MBP: variants seen among roughly 807,000 people sequenced by gnomAD.
MBP encodes myelin basic protein.
Under a neutral mutation model 35.8 loss-of-function variants are expected in MBP, and 16 were observed. The ratio of observed to expected loss-of-function variants is 0.45; its 90% CI spans 0.30 to 0.68. The LOEUF (loss-of-function observed/expected upper bound fraction) is 0.68. MBP is among the 30% of genes least tolerant of loss of function. The pLI is 0.08. For missense variants in MBP, 380 were observed against 404.7 expected (o/e 0.94, Z 0.52); for synonymous variants, 143 against 159.6 (o/e 0.90, Z 0.78).
At chr18:76,993,550 C>CA (rs60296914) in intron 4 of MBP, among the ~76,000 whole-genome samples, 31,300 of 112,284 alleles carry the variant, frequency 0.28, 4,304 homozygotes, top group East Asian at 0.41. Context: ...ACTTTGTCTC[C>CA]AAAAAAAAAA....
chr18:77,074,001 C>T (rs1157001521), intron 2 of MBP, among the ~76,000 whole-genome samples: 1 of 152,244 alleles, frequency 6.6e-6, no homozygotes, highest in African/African-American at 2.4e-5. Context: ...CTTCTCACCA[C>T]TAAGGCCAGG....
intron 1 of MBP, 36 bp from the exon 2 acceptor site, chr18:77,105,322 A>C (rs900410799): frequency 7.5e-7 from 1 of 1,331,830 alleles, no homozygotes; most frequent in African/African-American, 1.4e-5. Flanking sequence ...CCCTAAGTCT[A>C]GTGCTCTTAG....
intron 2 of MBP, among the ~76,000 whole-genome samples, chr18:77,091,033 T>C (rs1975499582): frequency 6.6e-6 from 1 of 152,206 alleles, no homozygotes; most frequent in Non-Finnish European, 1.5e-5. Flanking sequence ...CACAGGACAT[T>C]CCTCAAACTC....
At chr18:77,120,942 G>A (rs1976869151) in intron 1 of MBP, among the ~76,000 whole-genome samples, 1 of 152,210 alleles carries the variant, frequency 6.6e-6, no homozygotes, top group Admixed American at 6.5e-5. Context: ...ATGTTCTTGA[G>A]CAAATGCAGT....
chr18:77,065,533 G>C (rs1363692743), intron 3 of MBP, among the ~76,000 whole-genome samples: 1 of 152,148 alleles, frequency 6.6e-6, no homozygotes, highest in Non-Finnish European at 1.5e-5. Context: ...ATTCAATAAG[G>C]CAATACAAAA....
intron 3 of MBP, among the ~76,000 whole-genome samples, chr18:77,038,931 G>A (rs533544867): frequency 6.6e-6 from 1 of 152,202 alleles, no homozygotes; most frequent in Non-Finnish European, 1.5e-5. Context: ...TCAGTGAGAG[G>A]CGTCTTCAAA....
intron 3 of MBP, among the ~76,000 whole-genome samples, chr18:77,051,791 G>A (rs1360538831): frequency 6.6e-6 from 1 of 152,200 alleles, no homozygotes; most frequent in African/African-American, 2.4e-5. Flanking sequence ...TGAAGACCAG[G>A]GGTAGGAGCG....
At chr18:76,987,107 G>A in intron 7 of MBP, 1 of 985,490 alleles carries the variant, frequency 1.0e-6, no homozygotes, top group Non-Finnish European at 1.2e-6. Context: ...GGTCTTTCTT[G>A]TTAGCTGCTG....
At chr18:77,034,051 CAAAAAAAAAAAA>C (rs398033591) in intron 3 of MBP, among the ~76,000 whole-genome samples, 5 of 70,504 alleles carry the variant, frequency 7.1e-5, no homozygotes, top group Non-Finnish European at 1.3e-4. Context: ...CCTAATGGGG[CAAAAAAAAAAAA>C]AAAAAAAAAA....
chr18:77,105,222 T>C lies in MBP; in HGVS notation c.40A>G (p.Lys14Glu), dbSNP rs973802590. The C allele has an allele frequency of 1.9e-6, 3 of 1,612,752 alleles. No individual in the cohort carries two copies. Among genetic ancestry groups the C allele is most frequent in the Non-Finnish European group, 2.5e-6 (3 of 1,179,172 alleles). ...AGCTCACGTCTTACCGTACTGGCCT[T>C]CTCGGCATTTAATTCTCGTTTGCCT... ...HAGKRELNAE[K>E]ASTNSETNRG... Residue 14 changes from lysine (K) to glutamate (E), a missense_variant, in exon 2 of 9, where the codon AAG becomes GAG. Coordinates refer to ENST00000355994, the MANE Select transcript of MBP (RefSeq NM_001025101.2).
At chr18:77,013,549 T>C in intron 4 of MBP, 1 of 985,442 alleles carries the variant, frequency 1.0e-6, no homozygotes, top group Non-Finnish European at 1.2e-6. Context: ...CAGGACTGAT[T>C]ATATCCCACG....
chr18:77,069,765 C>T (rs1252384716), intron 2 of MBP, among the ~76,000 whole-genome samples: 12 of 152,298 alleles, frequency 7.9e-5, no homozygotes, highest in Admixed American at 7.2e-4. Flanking sequence ...GTCCTGTGCG[C>T]CAGCTTGTGC....
In MBP at chr18:77,017,108, C is replaced by A. The variant is rs533133729; in HGVS notation, c.300G>T (p.Pro100=). 2 of 1,591,430 alleles carry A rather than the reference C, an allele frequency of 1.3e-6. No homozygotes were observed. The highest frequency in any genetic ancestry group is 1.7e-5 in the Admixed American group (1 of 57,834). The change falls in exon 4 of 9, where the codon CCG becomes CCT. Residue 100 remains proline, a synonymous_variant. Transcript: ENST00000355994. The stretch of plus-strand genomic sequence containing the variant: ...CTTTGAAGGTGTTGTCCTCCCTCCC[C>A]GGGGCATCTCGGGAAAAGAGGCGGA... ...HLIRLFSRDA[P]GREDNTFKDR...
intron 3 of MBP, among the ~76,000 whole-genome samples, chr18:77,062,678 G>A (rs917643694): frequency 6.6e-6 from 1 of 152,190 alleles, no homozygotes; most frequent in Non-Finnish European, 1.5e-5. Flanking sequence ...TCACAGAGAC[G>A]AGGAGGAAGG....
rs1477487225 is a variant in MBP, at chr18:77,020,605, C to T, written c.140-3337G>A. The stretch of plus-strand genomic sequence containing the variant: ...TGTGACCCCATGTGTGACATGCTGT[C>T]TGTTAGGGAGGCTCGTTAGAGACCC... On this transcript the variant is annotated intron_variant, in intron 3 of 8. Transcript: ENST00000355994. The surrounding 1 kb of genome is among the most constrained non-coding windows in gnomAD (Gnocchi z 4.1). 6.6e-6 allele frequency among the ~76,000 whole-genome samples: 1 copy of T among 152,194 alleles called. No homozygotes were observed. Among genetic ancestry groups the T allele is most frequent in the Non-Finnish European group, 1.5e-5 (1 of 68,028 alleles).
intron 1 of MBP, among the ~76,000 whole-genome samples, chr18:77,132,219 C>G (rs547807802): frequency 1.3e-4 from 20 of 151,978 alleles, no homozygotes; most frequent in African/African-American, 4.6e-4. Context: ...CCGGGCCTGG[C>G]TGGAGTCCAC....
chr18:77,000,247 C>G (rs962311210), intron 4 of MBP, among the ~76,000 whole-genome samples: 2 of 152,068 alleles, frequency 1.3e-5, no homozygotes, highest in African/African-American at 4.8e-5. Flanking sequence ...GAAGGATGAC[C>G]CTGGTTTACA....
chr18:76,998,849 T>C (rs1204577183), intron 4 of MBP, among the ~76,000 whole-genome samples: 1 of 152,062 alleles, frequency 6.6e-6, no homozygotes, highest in African/African-American at 2.4e-5. Context: ...CCACAGCCCC[T>C]TGCTCACCAC....
rs535608586 is a variant in MBP at position 77,106,780 on chromosome 18, T to C, written c.-25-1494A>G. The stretch of plus-strand genomic sequence containing the variant: ...AGCAATAATAGTTTGATATGTATGA[T>C]TTTAAAAACGCAAGGCTACCTTTGC... On this transcript the variant is annotated intron_variant, in intron 1 of 8. Coordinates refer to ENST00000355994, the MANE Select transcript of MBP (RefSeq NM_001025101.2). Among the ~76,000 whole-genome samples, 7 of 152,198 alleles carry C rather than the reference T, an allele frequency of 4.6e-5. No homozygotes were observed. The South Asian group carries it at 8.3e-4, about 18-fold the overall frequency.
Sources: allele counts gnomAD v4.1 joint callset (sites outside exome capture counted in the v4.1 genomes callset), GRCh38; gene constraint gnomAD v4.1.1; non-coding constraint Gnocchi (gnomAD v3.1); transcripts MANE v1.5; gene names NCBI Gene and HGNC (gene_info 2026-07-23, HGNC 2026-07-21).